Variants in POU6F2 observed in about 807,000 individuals in gnomAD.
POU6F2 encodes the protein POU class 6 homeobox 2.
In POU6F2, 31 loss-of-function variants were observed where a neutral mutation model predicts 71.3. That is an observed-to-expected ratio of 0.43 (90% CI 0.33 to 0.59). The LOEUF (loss-of-function observed/expected upper bound fraction) is 0.59. POU6F2 is among the 20% of genes least tolerant of loss of function. The pLI is 0.04. For synonymous variants in POU6F2, 347 were observed against 355.7 expected, an observed-to-expected ratio of 0.98 and a Z score of 0.27; for missense variants, 783 against 856.8, an observed-to-expected ratio of 0.91 and a Z score of 1.07.
At chr7:39,145,875 A>T (rs988026148) in intron 2 of POU6F2, among the ~76,000 whole-genome samples, 8 of 152,198 alleles carry the variant, frequency 5.3e-5, no homozygotes, top group African/African-American at 1.9e-4. Context: ...CAGAAAGGGC[A>T]TGAGGAAGCT....
chr7:39,438,610 G>A (rs531923888), intron 7 of POU6F2, among the ~76,000 whole-genome samples: 1 of 152,328 alleles, frequency 6.6e-6, no homozygotes, highest in South Asian at 2.1e-4. Flanking sequence ...CTGTTGGTGG[G>A]ACTGTAAACT....
intron 4 of POU6F2, among the ~76,000 whole-genome samples, chr7:39,313,769 A>G (rs535587447): frequency 1.5e-4 from 23 of 152,338 alleles, no homozygotes; most frequent in Non-Finnish European, 2.4e-4. Flanking sequence ...GACTTTTCAG[A>G]TATTGCTACA....
chr7:39,076,901 TTAAC>T (rs1240245932), intron 1 of POU6F2, among the ~76,000 whole-genome samples: 5 of 151,730 alleles, frequency 3.3e-5, no homozygotes, highest in African/African-American at 1.2e-4. Flanking sequence ...CACACATTAA[TTAAC>T]AGTCTCTGCT....
chr7:39,337,640 T>A (rs73386408), intron 4 of POU6F2, among the ~76,000 whole-genome samples: 40 of 152,344 alleles, frequency 2.6e-4, no homozygotes, highest in African/African-American at 8.7e-4. Flanking sequence ...TATTTTCACA[T>A]TTTTTAACTC....
intron 4 of POU6F2, among the ~76,000 whole-genome samples, chr7:39,259,930 T>C (rs1784099160): frequency 6.6e-6 from 1 of 151,842 alleles, no homozygotes; most frequent in African/African-American, 2.4e-5. Flanking sequence ...GGGAGTCCTG[T>C]GTGTGTGCAT....
chr7:39,355,440 C>T lies in POU6F2; in HGVS notation c.972+15425C>T, dbSNP rs141890888. 4.2e-3 allele frequency among the ~76,000 whole-genome samples: 632 copies of T among 151,914 alleles called. 4 individuals carry two copies. Among genetic ancestry groups the T allele is most frequent in the African/African-American group, 0.014 (577 of 41,392 alleles). The stretch of plus-strand genomic sequence containing the variant: ...ATTTTGTATGTATATATGTGTTGGC[C>T]TGAGATGTAAAATGTGTTTCTTCTT... On this transcript the variant is annotated intron_variant, in intron 5 of 9. Coordinates refer to ENST00000518318, the MANE Select transcript of POU6F2 (RefSeq NM_001370959.1).
chr7:39,418,939 G>GTATATA (rs149279901), intron 6 of POU6F2, among the ~76,000 whole-genome samples: 31,448 of 132,940 alleles, frequency 0.24, 3,941 homozygotes, highest in East Asian at 0.41. Flanking sequence ...GTATATATGT[G>GTATATA]TATATATGTA....
rs146464302 is a variant in POU6F2 at position 39,188,598 on chromosome 7, C to T, written c.278-15637C>T. On this transcript the variant is annotated intron_variant, in intron 2 of 9. Coordinates refer to ENST00000518318, the MANE Select transcript of POU6F2 (RefSeq NM_001370959.1). ...AAAGTGCTGGGAGTACAGGCATGAG[C>T]CACCATGCTGGGCCAGAATCTGATT... is the stretch of plus-strand genomic sequence containing the variant. 2.2e-4 allele frequency among the ~76,000 whole-genome samples: 33 copies of T among 152,306 alleles called. 2 individuals are homozygous for T. In the East Asian group the frequency reaches 6.2e-3, roughly 29 times the overall value.
intron 5 of POU6F2, among the ~76,000 whole-genome samples, chr7:39,362,268 C>A (rs1786403280): frequency 6.9e-6 from 1 of 145,316 alleles, no homozygotes. Flanking sequence ...CTCTTGAAAG[C>A]TATCAATGGC....
intron 6 of POU6F2, among the ~76,000 whole-genome samples, chr7:39,418,215 C>T (rs539510398): frequency 8.5e-5 from 13 of 152,242 alleles, no homozygotes; most frequent in East Asian, 5.8e-4. Context: ...ATGGCTAGAA[C>T]GGCATCTGGC....
intron 1 of POU6F2, among the ~76,000 whole-genome samples, chr7:39,051,305 A>G (rs1332442471): frequency 1.3e-5 from 2 of 151,992 alleles, no homozygotes; most frequent in African/African-American, 2.4e-5. Flanking sequence ...CCCATATTCC[A>G]TTTTTTGCTT....
chr7:39,009,489 C>A (rs1002362890), intron 1 of POU6F2, among the ~76,000 whole-genome samples: 9 of 152,002 alleles, frequency 5.9e-5, no homozygotes, highest in African/African-American at 1.9e-4. Context: ...CTGACTTCTT[C>A]TTTTCCTAAC....
chr7:39,291,945 C>T (rs1167265542), intron 4 of POU6F2, among the ~76,000 whole-genome samples: 2 of 145,794 alleles, frequency 1.4e-5, no homozygotes, highest in African/African-American at 5.2e-5. Flanking sequence ...ATTCCCTTTA[C>T]CTTTTTTTTT....
At chr7:39,384,374 A>G (rs1279602563) in intron 5 of POU6F2, among the ~76,000 whole-genome samples, 1 of 152,204 alleles carries the variant, frequency 6.6e-6, no homozygotes, top group African/African-American at 2.4e-5. Context: ...TTTTAACAAA[A>G]TGCACTGCAA....
intron 5 of POU6F2, among the ~76,000 whole-genome samples, chr7:39,366,627 C>T (rs1361322028): frequency 6.6e-6 from 1 of 152,122 alleles, no homozygotes. Context: ...GGGTAGGGAA[C>T]AGCCACCACC....
intron 6 of POU6F2, among the ~76,000 whole-genome samples, chr7:39,407,736 T>C (rs1241719699): frequency 1.3e-5 from 2 of 152,148 alleles, no homozygotes; most frequent in African/African-American, 4.8e-5. Flanking sequence ...CCTGTTTTTA[T>C]TTTACATAAA....
chr7:39,147,477 A>G (rs915665772), intron 2 of POU6F2, among the ~76,000 whole-genome samples: 1 of 152,222 alleles, frequency 6.6e-6, no homozygotes, highest in African/African-American at 2.4e-5. Flanking sequence ...GGTCGCTTGT[A>G]AACTAATAAA....
intron 6 of POU6F2, among the ~76,000 whole-genome samples, chr7:39,409,182 G>A (rs146078137): frequency 8.3e-4 from 127 of 152,258 alleles, no homozygotes; most frequent in African/African-American, 2.9e-3. Flanking sequence ...GGTACAAAGA[G>A]AAAACTCTGA....
At chr7:39,370,549 G>A (rs1057510050) in intron 5 of POU6F2, among the ~76,000 whole-genome samples, 1 of 152,172 alleles carries the variant, frequency 6.6e-6, no homozygotes, top group African/African-American at 2.4e-5. Context: ...TATTCAATTG[G>A]ATAATTTCTC....
Sources: allele counts gnomAD v4.1 joint callset (sites outside exome capture counted in the v4.1 genomes callset), GRCh38; gene constraint gnomAD v4.1.1; transcripts MANE v1.5; gene names NCBI Gene and HGNC (gene_info 2026-07-23, HGNC 2026-07-21).